ERCC5: variants seen among roughly 807,000 people sequenced by gnomAD.
The protein encoded by ERCC5 is ERCC excision repair 5, endonuclease, also known as DNA excision repair protein ERCC-5.
Under a neutral mutation model 105.6 loss-of-function variants are expected in ERCC5, and 68 were observed. That is an observed-to-expected ratio of 0.64 (90% confidence interval 0.53 to 0.79). The LOEUF (loss-of-function observed/expected upper bound fraction) is 0.79, where lower values mean the gene tolerates loss of function less well. Ranked by LOEUF, ERCC5 falls within the 30% of genes least tolerant of loss-of-function variation. The pLI is 0.00. For synonymous variants in ERCC5, 546 were observed against 526.2 expected (o/e 1.04, Z -0.51); for missense variants, 1,373 against 1,426.7 (o/e 0.96, Z 0.61).
Position 102,872,369 on chromosome 13 carries a change from G to A in ERCC5, c.2850G>A (p.Trp950Ter), listed in dbSNP as rs771139049. The A allele has an allele frequency of 6.2e-7, 1 of 1,614,154 alleles. No homozygotes were observed. The highest frequency in any genetic ancestry group is 2.2e-5 in the East Asian group (1 of 44,880). The change falls in exon 13 of 15, where the codon TGG (tryptophan) becomes TGA (stop). Residue 950 changes from tryptophan to a stop codon, truncating the protein, a stop_gained. Coordinates refer to ENST00000652225, the MANE Select transcript of ERCC5 (RefSeq NM_000123.4). LOFTEE classifies it high-confidence loss of function. ...ATGACTCGAAGGGATCCTTTCTGTG[G>A]GGGAAACCTGATCTCGACAAAATTA... Reference protein sequence around the residue: ...VVDDSKGSFLWGKPDLDKIRE... With the variant: ...VVDDSKGSFL
intron 10 of ERCC5, 106 bp from the exon 11 acceptor site, chr13:102,866,526 C>G (rs893177543): frequency 6.3e-7 from 1 of 1,599,040 alleles, no homozygotes; most frequent in Non-Finnish European, 8.5e-7. Flanking sequence ...GTCCCTAACT[C>G]TGCAGGAATG....
rs150185916 is a variant in ERCC5, at chr13:102,866,117, A to G, written c.2200-145A>G. 507 of 1,456,890 alleles carry G rather than the reference A, an allele frequency of 3.5e-4. No homozygotes were observed. In the African/African-American group the frequency reaches 6.4e-3, roughly 18 times the overall value. The allele number at this position is 1,456,890 out of a possible 1,614,324, so 90.2% of individuals were successfully genotyped here. The stretch of plus-strand genomic sequence containing the variant: ...AGTGATGAATCTCTAAAGATATTAC[A>G]GAGTCTTGGTTAGACATCCAGTGGA... On this transcript the variant is annotated intron_variant, in intron 9 of 14. Coordinates refer to ENST00000652225, the MANE Select transcript of ERCC5 (RefSeq NM_000123.4).
At chr13:102,871,650 A>G (rs1883037427) in intron 12 of ERCC5, among the ~76,000 whole-genome samples, 1 of 152,092 alleles carries the variant, frequency 6.6e-6, no homozygotes, top group South Asian at 2.1e-4. Context: ...AATTTTAAAA[A>G]CAGATACATG....
Position 102,875,587 on chromosome 13 carries a change from A to C in ERCC5, c.3245A>C (p.Asn1082Thr). 6.2e-7 allele frequency: 1 copy of C among 1,613,582 alleles called. No individual in the cohort carries two copies. The highest frequency in any genetic ancestry group is 1.3e-5 in the African/African-American group (1 of 74,986). Residue 1082 changes from asparagine (N) to threonine (T), a missense_variant, in exon 15 of 15, where the codon AAT becomes ACT. Coordinates refer to ENST00000652225, the MANE Select transcript of ERCC5 (RefSeq NM_000123.4). ...RKRLSDSKGKNTCGGFLGETC... is the reference protein window; with the variant it reads ...RKRLSDSKGKTTCGGFLGETC... ...AGGCTTTCAGATTCTAAAGGAAAGA[A>C]TACATGCGGTGGATTTTTGGGGGAG...
intron 12 of ERCC5, among the ~76,000 whole-genome samples, chr13:102,871,876 G>T (rs1437469794): frequency 6.6e-6 from 1 of 152,144 alleles, no homozygotes; most frequent in African/African-American, 2.4e-5. Context: ...ACCAATTCCA[G>T]CTGTGAAATC....
intron 6 of ERCC5, chr13:102,858,875 CA>C: frequency 2.2e-6 from 1 of 455,954 alleles, no homozygotes; most frequent in East Asian, 6.9e-5. Flanking sequence ...AGAATCTAAT[CA>C]CAATGGAAAA....
intron 8 of ERCC5, among the ~76,000 whole-genome samples, chr13:102,863,583 A>G (rs1055177971): frequency 5.3e-5 from 8 of 152,136 alleles, no homozygotes; most frequent in African/African-American, 1.4e-4. Flanking sequence ...TGTAGATTCC[A>G]TATTTGCAAA....
intron 8 of ERCC5, among the ~76,000 whole-genome samples, chr13:102,863,643 G>A (rs761102192): frequency 3.9e-5 from 6 of 152,104 alleles, no homozygotes; most frequent in East Asian, 1.9e-4. Context: ...AGTACTCACC[G>A]CAATGTCTTT....
At chr13:102,858,136 T>C in intron 5 of ERCC5, 139 bp from the exon 6 acceptor site, 1 of 1,222,484 alleles carries the variant, frequency 8.2e-7, no homozygotes, top group Non-Finnish European at 1.2e-6. Flanking sequence ...CTGTCACAGA[T>C]TATATGCAAC....
intron 6 of ERCC5, among the ~76,000 whole-genome samples, chr13:102,859,678 G>T (rs970064446): frequency 6.6e-6 from 1 of 152,210 alleles, no homozygotes; most frequent in African/African-American, 2.4e-5. Flanking sequence ...GGACTGTAGG[G>T]TGGTGTGGAG....
At chr13:102,852,059 T>A (rs1882224388) in intron 1 of ERCC5, 59 bp from the exon 2 acceptor site, 1 of 1,577,360 alleles carries the variant, frequency 6.3e-7, no homozygotes, top group South Asian at 1.1e-5. Context: ...ATTAGGAAAT[T>A]GAAGTTGTGA....
At chr13:102,875,272 G>A (rs765254801) in intron 14 of ERCC5, 35 bp from the exon 15 acceptor site, 1 of 1,599,532 alleles carries the variant, frequency 6.3e-7, no homozygotes, top group Non-Finnish European at 8.5e-7. Context: ...TTACTTGTCT[G>A]ATTTATTATT....
At chr13:102,855,226 A>G (rs1882365178) in intron 4 of ERCC5, among the ~76,000 whole-genome samples, 1 of 151,634 alleles carries the variant, frequency 6.6e-6, no homozygotes, top group Admixed American at 6.6e-5. Flanking sequence ...CTTACTTAAA[A>G]CACTTTCTAG....
chr13:102,847,297 A>ATTTTTTTTTTTTTTTTTTTT (rs35223521), intron 1 of ERCC5, among the ~76,000 whole-genome samples: 1 of 139,446 alleles, frequency 7.2e-6, no homozygotes, highest in Non-Finnish European at 1.6e-5. Flanking sequence ...TTATGTAGTC[A>ATTTTTTTTTTTTTTTTTTTT]TTTTTTTTTT....
intron 3 of ERCC5, 74 bp downstream of exon 3, chr13:102,853,946 C>T: frequency 7.1e-7 from 1 of 1,401,328 alleles, no homozygotes; most frequent in Non-Finnish European, 1.0e-6. Flanking sequence ...TCCTGCGATT[C>T]TCTTTCCCTA....
rs756420203 is a variant in ERCC5 at position 102,861,505 on chromosome 13, A to G, written c.673-2A>G. 2.5e-6 allele frequency: 4 copies of G among 1,614,086 alleles called. No homozygotes were observed. The highest frequency in any genetic ancestry group is 3.3e-5 in the Admixed American group (2 of 60,028). On this transcript the variant is annotated splice_acceptor_variant, in intron 6 of 14. Coordinates refer to ENST00000652225, the MANE Select transcript of ERCC5 (RefSeq NM_000123.4). LOFTEE classifies it high-confidence loss of function. Reference sequence around the variant, plus strand: ...AATTTTGTTTGTTTATTTTGCCTTTAGGAGTCTGATGACTTTTCACAGTAC... The same window carrying G: ...AATTTTGTTTGTTTATTTTGCCTTTGGGAGTCTGATGACTTTTCACAGTAC...
intron 14 of ERCC5, among the ~76,000 whole-genome samples, chr13:102,875,096 A>G (rs543770496): frequency 8.5e-5 from 13 of 152,222 alleles, no homozygotes; most frequent in Non-Finnish European, 1.8e-4. Flanking sequence ...GTTGACAGAG[A>G]TGGTACAAGT....
chr13:102,846,055 C>T lies in ERCC5; in HGVS notation c.-212C>T. The T allele has an allele frequency of 1.7e-6, 1 of 585,296 alleles. No individual in the cohort carries two copies. The highest frequency in any genetic ancestry group is 3.0e-5 in the Admixed American group (1 of 33,256). The allele number at this position is 585,296 out of a possible 1,614,324, so 36.3% of individuals were successfully genotyped here. A position where few individuals can be genotyped will look rare whatever the true frequency, so the allele number is the denominator to read the frequency against. On this transcript the variant is annotated 5_prime_UTR_variant, in exon 1 of 15. Coordinates refer to ENST00000652225, the MANE Select transcript of ERCC5 (RefSeq NM_000123.4). ...TTCTTCCGGGAGGCGGTGACAGCTGCTGAGACGTGTTGCAGCCAGAGTCTC... is the reference window on the plus strand; with the variant it reads ...TTCTTCCGGGAGGCGGTGACAGCTGTTGAGACGTGTTGCAGCCAGAGTCTC...
intron 12 of ERCC5, among the ~76,000 whole-genome samples, chr13:102,869,369 ATAAAG>A (rs1882954871): frequency 6.6e-6 from 1 of 152,254 alleles, no homozygotes; most frequent in Non-Finnish European, 1.5e-5. Context: ...TATTATACAA[ATAAAG>A]TAAATACATC....
Sources: gnomAD v4.1 joint callset for allele counts (sites outside exome capture counted in the v4.1 genomes callset) on GRCh38, gnomAD v4.1.1 for gene constraint, MANE v1.5 for transcripts, NCBI Gene and HGNC (gene_info 2026-07-23, HGNC 2026-07-21) for gene names.